FAM177A1: variants seen among roughly 807,000 people sequenced by gnomAD.
FAM177A1 encodes family with sequence similarity 177 member A1, also known as protein FAM177A1.
A neutral mutation model predicts 26.1 loss-of-function variants in FAM177A1; 22 were observed. That is an observed-to-expected ratio of 0.84 (90% confidence interval 0.60 to 1.20). The LOEUF (loss-of-function observed/expected upper bound fraction) is 1.20. FAM177A1 is among the 50% of genes most tolerant of loss of function. FAM177A1 has a pLI of 0.00. For synonymous variants in FAM177A1, 95 were observed against 99.3 expected (o/e 0.96, Z 0.26); for missense variants, 296 against 291.1 (o/e 1.02, Z -0.12).
chr14:35,054,455 C>T (rs1388811533), intron 2 of FAM177A1, among the ~76,000 whole-genome samples: 1 of 152,002 alleles, frequency 6.6e-6, no homozygotes, highest in African/African-American at 2.4e-5. Context: ...TACTGACTTT[C>T]TAACAGGTAC....
intron 2 of FAM177A1, among the ~76,000 whole-genome samples, chr14:35,076,681 A>G (rs909666534): frequency 5.3e-5 from 8 of 152,024 alleles, no homozygotes; most frequent in African/African-American, 1.9e-4. Flanking sequence ...AGCTCATTTG[A>G]TGTTCCCTTA....
intron 3 of FAM177A1, 53 bp downstream of exon 3, chr14:35,077,269 C>CCTGTTGCTGA: frequency 6.7e-7 from 1 of 1,503,298 alleles, no homozygotes. Context: ...GCTTCAGCAA[C>CCTGTTGCTGA]AGGAACTTTG....
intron 1 of FAM177A1, among the ~76,000 whole-genome samples, chr14:35,047,748 A>G (rs1338716705): frequency 1.9e-5 from 2 of 105,550 alleles, no homozygotes; most frequent in Non-Finnish European, 4.4e-5. Flanking sequence ...ACTCCGTCTC[A>G]AAACAGCAAC....
chr14:35,047,076 C>A, intron 1 of FAM177A1: 1 of 935,500 alleles, frequency 1.1e-6, no homozygotes. Context: ...CTTACAGTAA[C>A]CGCTCGAGGT....
chr14:35,081,223 C>A lies in FAM177A1; in HGVS notation c.706C>A (p.Pro236Thr). The A allele has an allele frequency of 1.2e-6, 2 of 1,605,328 alleles. No homozygotes were observed. The highest frequency in any genetic ancestry group is 2.3e-5 in the South Asian group (2 of 88,686). The change falls in exon 5 of 5, where the codon CCA (proline) becomes ACA (threonine). Residue 236 changes from proline to threonine, a missense_variant. Transcript: ENST00000280987. ...ESKQNPVSVP[P>T] ...CAAGCAAAATCCAGTCTCTGTCCCA[C>A]CATAAAATGAAATGACTATCAAGCT...
chr14:35,074,305 C>T (rs1311366821), intron 2 of FAM177A1, among the ~76,000 whole-genome samples: 1 of 151,386 alleles, frequency 6.6e-6, no homozygotes, highest in South Asian at 2.1e-4. Context: ...CCACTACAGC[C>T]CAGCTAATTT....
At chr14:35,051,096 C>T (rs1291563090) in intron 1 of FAM177A1, among the ~76,000 whole-genome samples, 2 of 152,044 alleles carry the variant, frequency 1.3e-5, no homozygotes, top group African/African-American at 4.8e-5. Context: ...GCCTATGTTA[C>T]CAAATTTTAT....
chr14:35,058,638 G>C (rs1247457394), intron 2 of FAM177A1, among the ~76,000 whole-genome samples: 2 of 152,092 alleles, frequency 1.3e-5, no homozygotes, highest in Non-Finnish European at 2.9e-5. Flanking sequence ...ACTTTGGGAG[G>C]CTGAGGCAGA....
chr14:35,053,531 G>A, intron 2 of FAM177A1, 80 bp downstream of exon 2: 1 of 1,286,298 alleles, frequency 7.8e-7, no homozygotes, highest in Non-Finnish European at 1.1e-6. Context: ...GAGTGGAAGG[G>A]ACCTTTTGAG....
At chr14:35,065,652 G>A (rs2138550474) in intron 2 of FAM177A1, among the ~76,000 whole-genome samples, 1 of 146,206 alleles carries the variant, frequency 6.8e-6, no homozygotes, top group East Asian at 2.0e-4. Context: ...TGTTAATTTT[G>A]TTTTTCATTA....
intron 3 of FAM177A1, among the ~76,000 whole-genome samples, chr14:35,078,208 G>A (rs1466804595): frequency 1.3e-5 from 2 of 152,144 alleles, no homozygotes; most frequent in Middle Eastern, 3.2e-3. Context: ...TTGAACTTTG[G>A]ATCTGCCTTA....
chr14:35,075,793 A>G (rs1328696157), intron 2 of FAM177A1, among the ~76,000 whole-genome samples: 2 of 152,378 alleles, frequency 1.3e-5, no homozygotes, highest in African/African-American at 4.8e-5. Flanking sequence ...GGCAAAGGAT[A>G]TGAACAGACA....
chr14:35,046,413 C>T lies in FAM177A1; in HGVS notation c.-51C>T. The T allele has an allele frequency of 6.8e-7, 1 of 1,467,468 alleles. No individual in the cohort carries two copies. Among genetic ancestry groups the T allele is most frequent in the Non-Finnish European group, 9.1e-7 (1 of 1,103,240 alleles). 90.9% of individuals were successfully genotyped at this position (1,467,468 alleles called of 1,614,324 possible). A position where few individuals can be genotyped will look rare whatever the true frequency, so the allele number is the denominator to read the frequency against. The stretch of plus-strand genomic sequence containing the variant: ...CGAGGCGGGCGCTGGGCGGGTGAGT[C>T]CCACTTCCCGACAGCCTGGCTCGGC... On this transcript the variant is annotated 5_prime_UTR_variant, in exon 1 of 5. Transcript: ENST00000280987.
At chr14:35,069,433 G>A (rs933999940) in intron 2 of FAM177A1, among the ~76,000 whole-genome samples, 1 of 152,020 alleles carries the variant, frequency 6.6e-6, no homozygotes, top group Non-Finnish European at 1.5e-5. Flanking sequence ...TTACAGGCAT[G>A]TGCCACCATG....
chr14:35,064,906 C>T (rs1387272061), intron 2 of FAM177A1, among the ~76,000 whole-genome samples: 1 of 152,170 alleles, frequency 6.6e-6, no homozygotes, highest in African/African-American at 2.4e-5. Context: ...CCCGCTTCAG[C>T]CTCCCAAAGT....
intron 2 of FAM177A1, among the ~76,000 whole-genome samples, chr14:35,058,794 G>A (rs2045102354): frequency 6.6e-6 from 1 of 152,068 alleles, no homozygotes; most frequent in South Asian, 2.1e-4. Context: ...GAGGATCGCT[G>A]GAGCCCAGAA....
chr14:35,076,314 C>G (rs2138568538), intron 2 of FAM177A1, among the ~76,000 whole-genome samples: 1 of 152,130 alleles, frequency 6.6e-6, no homozygotes. Context: ...AAGCTGGAAA[C>G]CATCATTCTG....
At chr14:35,068,550 G>T (rs1027772570) in intron 2 of FAM177A1, among the ~76,000 whole-genome samples, 1 of 152,202 alleles carries the variant, frequency 6.6e-6, no homozygotes, top group Non-Finnish European at 1.5e-5. Context: ...TCACCATTCT[G>T]ATTCTGGGAT....
chr14:35,065,966 T>C (rs2045235133), intron 2 of FAM177A1, among the ~76,000 whole-genome samples: 1 of 152,112 alleles, frequency 6.6e-6, no homozygotes, highest in South Asian at 2.1e-4. Context: ...CCTCCCAAAG[T>C]GCTGAGATTA....
Sources: allele counts gnomAD v4.1 joint callset (sites outside exome capture counted in the v4.1 genomes callset), GRCh38; gene constraint gnomAD v4.1.1; transcripts MANE v1.5; gene names NCBI Gene and HGNC (gene_info 2026-07-23, HGNC 2026-07-21).